The following PDE1A variants were observed in gnomAD, a reference collection of about 807,000 sequenced individuals.
PDE1A encodes the protein dual specificity calcium/calmodulin-dependent 3',5'-cyclic nucleotide phosphodiesterase 1A.
In PDE1A, 35 loss-of-function variants were observed where a neutral mutation model predicts 61.7. The ratio of observed to expected loss-of-function variants is 0.57; its 90% CI spans 0.43 to 0.75. The LOEUF (loss-of-function observed/expected upper bound fraction) is 0.75, where lower values mean the gene tolerates loss of function less well. PDE1A is among the 30% of genes least tolerant of loss of function. The pLI is 0.00. For synonymous variants in PDE1A, 232 were observed against 213.2 expected, an observed-to-expected ratio of 1.09 and a Z score of -0.77; for missense variants, 597 against 630.6, an observed-to-expected ratio of 0.95 and a Z score of 0.57.
chr2:182,180,413 T>C (rs926463421), intron 13 of PDE1A, among the ~76,000 whole-genome samples: 5 of 152,126 alleles, frequency 3.3e-5, no homozygotes, highest in African/African-American at 1.2e-4. Context: ...TATATTGCCC[T>C]CACTCTCTTC....
At chr2:182,539,128 C>T in the PDE1A span, among the ~76,000 whole-genome samples, 1 of 152,136 alleles carries the variant, frequency 6.6e-6, no homozygotes, top group East Asian at 1.9e-4. Flanking sequence ...TTTTTCCATT[C>T]CTTCAACATA....
intron 2 of PDE1A, among the ~76,000 whole-genome samples, chr2:182,488,852 C>T (rs1034353550): frequency 6.6e-6 from 1 of 152,044 alleles, no homozygotes; most frequent in African/African-American, 2.4e-5. Flanking sequence ...GTCCAGTCAA[C>T]GAAAAACAGT....
At chr2:182,344,754 A>T (rs1041927202) in intron 1 of PDE1A, among the ~76,000 whole-genome samples, 73 of 150,018 alleles carry the variant, frequency 4.9e-4, no homozygotes, top group East Asian at 7.8e-4. Context: ...TCTCTCTCAC[A>T]CACACACACA....
At chr2:182,144,991 T>C (rs1283499621), downstream of PDE1A, among the ~76,000 whole-genome samples, 1 of 152,178 alleles carries the variant, frequency 6.6e-6, no homozygotes, top group South Asian at 2.1e-4. Context: ...TCACTGCCTG[T>C]TGTCTCCCAG....
At chr2:182,660,869 G>A in the PDE1A span, among the ~76,000 whole-genome samples, 2 of 152,156 alleles carry the variant, frequency 1.3e-5, no homozygotes, top group Non-Finnish European at 1.5e-5. Flanking sequence ...CAGCTAACCC[G>A]TACCCAGACT....
intron 2 of PDE1A, among the ~76,000 whole-genome samples, chr2:182,443,865 G>C (rs561454388): frequency 6.6e-6 from 1 of 151,570 alleles, no homozygotes; most frequent in African/African-American, 2.4e-5. Context: ...CACCATGCCC[G>C]GCTAATTTTG....
the PDE1A span, among the ~76,000 whole-genome samples, chr2:182,570,889 G>C: frequency 6.6e-6 from 1 of 152,146 alleles, no homozygotes; most frequent in Non-Finnish European, 1.5e-5. Flanking sequence ...GTGGAGCACT[G>C]GGTAAGTCAT....
the PDE1A span, among the ~76,000 whole-genome samples, chr2:182,715,624 T>C: frequency 2.6e-5 from 4 of 152,218 alleles, no homozygotes; most frequent in African/African-American, 9.6e-5. Context: ...TCCTGTACCA[T>C]AGCAGTAGGA....
At chr2:182,140,821 CAAAG>C (rs1690195484) in exon 15 of PDE1A, 1 of 150,138 alleles carries the variant, frequency 6.7e-6, no homozygotes, top group African/African-American at 2.5e-5. Flanking sequence ...GAGAGGAAAA[CAAAG>C]GAAGGAATAA....
At chr2:182,476,452 G>A (rs953357555) in intron 2 of PDE1A, among the ~76,000 whole-genome samples, 1 of 151,860 alleles carries the variant, frequency 6.6e-6, no homozygotes, top group Admixed American at 6.6e-5. Flanking sequence ...GATCCCCACT[G>A]CACTCAAACC....
the PDE1A span, among the ~76,000 whole-genome samples, chr2:182,531,289 T>C: frequency 2.6e-5 from 4 of 151,420 alleles, no homozygotes; most frequent in Admixed American, 1.3e-4. Flanking sequence ...ATGTCAATAA[T>C]TACATTAAAT....
At chr2:182,172,508 C>A (rs1433766843) in intron 13 of PDE1A, among the ~76,000 whole-genome samples, 1 of 151,980 alleles carries the variant, frequency 6.6e-6, no homozygotes, top group Non-Finnish European at 1.5e-5. Flanking sequence ...GATGCACACA[C>A]CCAAAGCAGA....
intron 2 of PDE1A, among the ~76,000 whole-genome samples, chr2:182,507,497 G>T (rs1689487630): frequency 6.6e-6 from 1 of 152,074 alleles, no homozygotes; most frequent in East Asian, 1.9e-4. Context: ...CCAGTTTGAG[G>T]GTTCCAGAGA....
chr2:182,453,285 C>A (rs1275866737), intron 2 of PDE1A, among the ~76,000 whole-genome samples: 1 of 151,974 alleles, frequency 6.6e-6, no homozygotes, highest in Admixed American at 6.6e-5. Flanking sequence ...GATGAAAGAG[C>A]TCAAAAAGCT....
Position 182,212,696 on chromosome 2 carries a change from G to T in PDE1A, c.777-6631C>A, listed in dbSNP as rs569923349. Among the ~76,000 whole-genome samples, 3 of 152,384 alleles carry T rather than the reference G, an allele frequency of 2.0e-5. No individual in the cohort carries two copies. In the South Asian group the frequency reaches 6.2e-4, roughly 32 times the overall value. On this transcript the variant is annotated intron_variant, in intron 7 of 13. Coordinates refer to ENST00000351439, the Ensembl canonical transcript of PDE1A. ...ATTGGGTCACTCCCACCCGAATACTGCGCTTTTCTGACGGGCTTAAAAAAT... is the reference window on the plus strand; with the variant it reads ...ATTGGGTCACTCCCACCCGAATACTTCGCTTTTCTGACGGGCTTAAAAAAT...
At chr2:182,378,893 T>A (rs1378443586) in intron 1 of PDE1A, among the ~76,000 whole-genome samples, 84 of 152,234 alleles carry the variant, frequency 5.5e-4, no homozygotes, top group Non-Finnish European at 5.9e-5. Flanking sequence ...TTTTTAAAGG[T>A]CATTCTTATT....
chr2:182,237,287 GTTCGAGACTAGCCTGGC>G (rs1026313454), intron 3 of PDE1A, among the ~76,000 whole-genome samples: 5 of 152,208 alleles, frequency 3.3e-5, no homozygotes, highest in African/African-American at 1.2e-4. Context: ...GAGATCAGGA[GTTCGAGACTAGCCTGGC>G]CAACATGGGA....
intron 2 of PDE1A, among the ~76,000 whole-genome samples, chr2:182,454,917 A>C (rs1685798440): frequency 6.8e-6 from 1 of 147,476 alleles, no homozygotes; most frequent in African/African-American, 2.4e-5. Context: ...GGATCTAATT[A>C]AACTAAAGAG....
At chr2:182,554,870 C>G in the PDE1A span, among the ~76,000 whole-genome samples, 1 of 152,094 alleles carries the variant, frequency 6.6e-6, no homozygotes, top group Admixed American at 6.5e-5. Context: ...TCAGTATTTC[C>G]TTAGCTGTAA....
Sources: gnomAD v4.1 joint callset for allele counts (sites outside exome capture counted in the v4.1 genomes callset) on GRCh38, gnomAD v4.1.1 for gene constraint, MANE v1.5 for transcripts, NCBI Gene and HGNC (gene_info 2026-07-23, HGNC 2026-07-21) for gene names.